Variants in ANK2 observed in about 807,000 individuals in gnomAD.
ANK2 encodes the protein ankyrin-2.
Under a neutral mutation model 360.5 loss-of-function variants are expected in ANK2, and 83 were observed. That is an observed-to-expected ratio of 0.23 (90% CI 0.19 to 0.28). ANK2 has a LOEUF of 0.28. Among genes scored for constraint, ANK2 ranks in the 10% least tolerant of loss-of-function variants. The pLI is 1.00. For synonymous variants in ANK2, 1,740 were observed against 1,759.5 expected, an observed-to-expected ratio of 0.99 and a Z score of 0.28; for missense variants, 4,201 against 4,795.7, an observed-to-expected ratio of 0.88 and a Z score of 3.66.
intron 2 of ANK2, among the ~76,000 whole-genome samples, chr4:112,936,225 G>C (rs1456253304): frequency 6.6e-6 from 1 of 152,188 alleles, no homozygotes; most frequent in Non-Finnish European, 1.5e-5. Context: ...GAACCAAATG[G>C]CTGATGACTT....
Position 113,302,835 on chromosome 4 carries a change from A to G in ANK2, c.2544A>G (p.Glu848=). Residue 848 remains glutamate (E), a synonymous_variant, in exon 23 of 46, where the codon GAA becomes GAG. Transcript: ENST00000357077. The stretch of plus-strand genomic sequence containing the variant: ...CTGAGGTTCTTGATGTTTCTGATGA[A>G]GAGGGTAAGACTTCTATTCAATCTT... ...TMTEVLDVSD[E]EGDDTMTGDG... 3 of 1,612,378 alleles carry G rather than the reference A, an allele frequency of 1.9e-6. No individual in the cohort carries two copies. In the African/African-American group the frequency reaches 4.0e-5, roughly 21 times the overall value.
chr4:112,957,753 C>T (rs1371707965), intron 2 of ANK2, among the ~76,000 whole-genome samples: 3 of 150,950 alleles, frequency 2.0e-5, no homozygotes, highest in Non-Finnish European at 4.5e-5. Flanking sequence ...TCCTCACTTC[C>T]CAGACGGGGT....
At position 113,336,043 on chromosome 4, in the gene ANK2, C is replaced by T. The variant is rs148287474; in HGVS notation, c.3577C>T (p.Arg1193Cys). 2.6e-5 allele frequency: 42 copies of T among 1,613,760 alleles called. No individual in the cohort carries two copies. The highest frequency in any genetic ancestry group is 3.3e-5 in the Non-Finnish European group (39 of 1,179,972). ...AGAGGGGGCACTCACCAAGCGGATC[C>T]GCGTAGGCCTGCAGGTATGCCCATG... ...FPEGALTKRI[R>C]VGLQAQPMHS... is the part of the protein sequence containing the mutation. The change falls in exon 30 of 46, where the codon CGC becomes TGC. Residue 1193 changes from arginine to cysteine, a missense_variant. Arg to Cys is a radical substitution (Grantham distance 180). This residue lies in a region of ANK2 where 1,268 missense variants were observed against 1,650.8 expected (regional missense o/e 0.77). Coordinates refer to ENST00000357077, the MANE Select transcript of ANK2 (RefSeq NM_001148.6).
chr4:113,336,292 TAAAAAAAAA>T (rs11355670), intron 30 of ANK2: 3 of 504,228 alleles, frequency 5.9e-6, no homozygotes, highest in South Asian at 6.4e-5. Context: ...TTTCTTCTTG[TAAAAAAAAA>T]AAAAAGAAAT....
chr4:113,332,323 G>T (rs2092655723), intron 28 of ANK2, among the ~76,000 whole-genome samples: 1 of 152,118 alleles, frequency 6.6e-6, no homozygotes, highest in Non-Finnish European at 1.5e-5. Flanking sequence ...GATCTGCCTA[G>T]TTGTACTATG....
rs950738931 is a variant in ANK2 at position 112,909,289 on chromosome 4, G to T, written c.21+4775G>T. Among the ~76,000 whole-genome samples, 16 of 152,120 alleles carry T rather than the reference G, an allele frequency of 1.1e-4. 1 individual carries two copies. Among genetic ancestry groups the T allele is most frequent in the African/African-American group, 3.9e-4 (16 of 41,424 alleles). ...CTGGTCAATAATTGTAACATAATTT[G>T]CTTAAATTTAGATAACTGAAGCTTG... On this transcript the variant is annotated intron_variant, in intron 2 of 30. Transcript: ENST00000503271.
At chr4:113,173,413 CCTT>C (rs2098068215) in intron 1 of ANK2, among the ~76,000 whole-genome samples, 1 of 152,136 alleles carries the variant, frequency 6.6e-6, no homozygotes, top group Non-Finnish European at 1.5e-5. Flanking sequence ...AGTCATCAAA[CCTT>C]CATCTCAATT....
intron 1 of ANK2, among the ~76,000 whole-genome samples, chr4:113,173,171 G>A (rs1017341470): frequency 6.6e-6 from 1 of 152,182 alleles, no homozygotes; most frequent in Non-Finnish European, 1.5e-5. Flanking sequence ...TGGGTTAAAA[G>A]TGAGGTAACT....
At chr4:112,805,975 A>G in the ANK2 span, among the ~76,000 whole-genome samples, 1 of 152,246 alleles carries the variant, frequency 6.6e-6, no homozygotes, top group East Asian at 1.9e-4. Flanking sequence ...TGATATTTTG[A>G]TACAGGCATA....
chr4:113,250,975 A>G (rs1179132301), intron 10 of ANK2, among the ~76,000 whole-genome samples: 3 of 152,214 alleles, frequency 2.0e-5, no homozygotes. Context: ...GTAATATATG[A>G]AGAAGAGAAA....
intron 1 of ANK2, among the ~76,000 whole-genome samples, chr4:113,103,591 G>T (rs1313949209): frequency 6.6e-6 from 1 of 152,106 alleles, no homozygotes; most frequent in Non-Finnish European, 1.5e-5. Context: ...TTAGAATTCT[G>T]CTTAGCACTA....
chr4:112,911,478 G>A (rs1214121911), intron 2 of ANK2, among the ~76,000 whole-genome samples: 1 of 151,850 alleles, frequency 6.6e-6, no homozygotes, highest in Non-Finnish European at 1.5e-5. Flanking sequence ...AGCGGAGATC[G>A]AACCACTGCA....
intron 1 of ANK2, among the ~76,000 whole-genome samples, chr4:113,070,811 T>C (rs899287426): frequency 6.6e-6 from 1 of 152,130 alleles, no homozygotes; most frequent in Non-Finnish European, 1.5e-5. Context: ...TAAACACTAA[T>C]TAAATTAATT....
rs778588909 is a variant in ANK2 at position 113,353,541 on chromosome 4, T to C, written c.4923T>C (p.Thr1641=). 6.2e-7 allele frequency: 1 copy of C among 1,614,052 alleles called. No homozygotes were observed. The highest frequency in any genetic ancestry group is 8.5e-7 in the Non-Finnish European group (1 of 1,179,968). The change falls in exon 38 of 46, where the codon ACT becomes ACC. Residue 1641 remains threonine, a synonymous_variant. Coordinates refer to ENST00000357077, the MANE Select transcript of ANK2 (RefSeq NM_001148.6). Reference sequence around the variant, plus strand: ...CAACTGGGCTAGTGAACTACCTTACTGATGATCTGAATACCTGTGTGCCTC... The same window carrying C: ...CAACTGGGCTAGTGAACTACCTTACCGATGATCTGAATACCTGTGTGCCTC... The part of the protein sequence containing the change: ...KDSTGLVNYL[T]DDLNTCVPLP...
chr4:113,199,094 T>A lies in ANK2; in HGVS notation c.369T>A (p.Ile123=), dbSNP rs2153405699. 1 of 1,610,012 alleles carries A rather than the reference T, an allele frequency of 6.2e-7. No individual in the cohort carries two copies. ...TTCTTGTTAAGGAAGGAGCCAATAT[T>A]AATGCACAGTCTCAGGTATTCCATT... is the stretch of plus-strand genomic sequence containing the variant. The part of the protein sequence containing the change: ...VKVLVKEGAN[I]NAQSQNGFTP... The change falls in exon 4 of 46, where the codon ATT becomes ATA. Residue 123 remains isoleucine, a synonymous_variant. Coordinates refer to ENST00000357077, the MANE Select transcript of ANK2 (RefSeq NM_001148.6).
intron 1 of ANK2, among the ~76,000 whole-genome samples, chr4:112,828,488 C>T (rs1381213162): frequency 3.3e-5 from 5 of 152,160 alleles, no homozygotes; most frequent in South Asian, 2.1e-4. Context: ...CCGCCTCGGA[C>T]TCCCAAAGTG....
intron 26 of ANK2, among the ~76,000 whole-genome samples, chr4:113,322,956 T>C (rs1480009569): frequency 6.6e-6 from 1 of 152,160 alleles, no homozygotes; most frequent in Non-Finnish European, 1.5e-5. Flanking sequence ...GAAAGTTTTT[T>C]CATAATAAGT....
intron 9 of ANK2, among the ~76,000 whole-genome samples, chr4:113,248,777 T>C (rs1413256274): frequency 6.6e-6 from 1 of 152,232 alleles, no homozygotes; most frequent in Non-Finnish European, 1.5e-5. Context: ...ATCTTCTTAA[T>C]TGCTCACCAT....
intron 2 of ANK2, chr4:113,033,808 AGCAATCACCT>A (rs2060976307): frequency 6.6e-6 from 1 of 152,014 alleles, no homozygotes; most frequent in Admixed American, 6.6e-5. Flanking sequence ...GACAAACTCC[AGCAATCACCT>A]GCCTTGATTC....
Sources: gnomAD v4.1 joint callset for allele counts (sites outside exome capture counted in the v4.1 genomes callset) on GRCh38, gnomAD v4.1.1 for gene constraint, gnomAD v4.1.1 regional missense constraint, MANE v1.5 for transcripts, NCBI Gene and HGNC (gene_info 2026-07-23, HGNC 2026-07-21) for gene names.